SPC25: variants seen among roughly 807,000 people sequenced by gnomAD.
SPC25 encodes the protein SPC25 component of NDC80 kinetochore complex, also known as kinetochore protein Spc25.
SPC25 carries 22 observed loss-of-function variants against 29.6 expected under a neutral mutation model. The ratio of observed to expected loss-of-function variants is 0.74; its 90% confidence interval spans 0.53 to 1.06. The LOEUF (loss-of-function observed/expected upper bound fraction) is 1.06, where lower values mean the gene tolerates loss of function less well. Ranked by LOEUF, SPC25 falls within the 50% of genes least tolerant of loss-of-function variation. The pLI, the probability that SPC25 is intolerant of heterozygous loss-of-function variation, is 0.00. For synonymous variants in SPC25, 91 were observed against 90.4 expected, an observed-to-expected ratio of 1.01 and a Z score of -0.04; for missense variants, 230 against 255.8, an observed-to-expected ratio of 0.90 and a Z score of 0.69.
At position 168,877,368 on chromosome 2, in the gene SPC25, A is replaced by G; in HGVS notation, c.216T>C (p.Asn72=). The G allele has an allele frequency of 6.2e-7, 1 of 1,613,618 alleles. No individual in the cohort carries two copies. The highest frequency in any genetic ancestry group is 8.5e-7 in the Non-Finnish European group (1 of 1,179,810). ...TATCCTTTTTTTCTTGAATGAGCTT[A>G]TTTTGCCTGCTGATCTCTGTAAGAA... The part of the protein sequence containing the change: ...LEYQNQISRQ[N]KLIQEKKDNL... The change falls in exon 4 of 7, where the codon AAT becomes AAC. Residue 72 remains asparagine (N), a synonymous_variant. Coordinates refer to ENST00000282074, the MANE Select transcript of SPC25 (RefSeq NM_020675.4).
downstream of SPC25, among the ~76,000 whole-genome samples, chr2:168,870,711 G>A (rs538195799): frequency 9.2e-5 from 14 of 151,434 alleles, no homozygotes; most frequent in South Asian, 2.9e-3. Context: ...AAAACAACAG[G>A]TGCTGGAGAG....
intron 6 of SPC25, among the ~76,000 whole-genome samples, chr2:168,872,211 G>T (rs1025970920): frequency 1.2e-4 from 19 of 152,114 alleles, no homozygotes; most frequent in African/African-American, 4.6e-4. Context: ...CAAGTGATCC[G>T]CCTGCCTCTG....
chr2:168,865,161 C>T (rs1306119758), intron 4 of SPC25: 10 of 631,932 alleles, frequency 1.6e-5, no homozygotes, highest in Admixed American at 3.1e-5. Context: ...TGGGTGGAGA[C>T]AGACAAGGAA....
chr2:168,890,350 C>T lies in SPC25; in HGVS notation c.-47G>A. The T allele has an allele frequency of 1.0e-6, 1 of 985,608 alleles. No homozygotes were observed. Among genetic ancestry groups the T allele is most frequent in the Non-Finnish European group, 1.2e-6 (1 of 830,046 alleles). The allele number at this position is 985,608 out of a possible 1,614,324, so 61.1% of individuals were successfully genotyped here. A position where few individuals can be genotyped will look rare whatever the true frequency, so the allele number is the denominator to read the frequency against. On this transcript the variant is annotated 5_prime_UTR_variant, in exon 1 of 7. Transcript: ENST00000282074. ...GGCAGGCCTGAGTCCCGCCGCCTTCCCCACACCAGATCCGCGCCCACTCTA... is the reference window on the plus strand; with the variant it reads ...GGCAGGCCTGAGTCCCGCCGCCTTCTCCACACCAGATCCGCGCCCACTCTA...
At chr2:168,886,267 G>C (rs890237609) in intron 3 of SPC25, among the ~76,000 whole-genome samples, 1 of 151,858 alleles carries the variant, frequency 6.6e-6, no homozygotes, top group South Asian at 2.1e-4. Context: ...TATTGCCCAG[G>C]CTGGTCTTGA....
chr2:168,876,186 A>C lies in SPC25; in HGVS notation c.347-10T>G. The C allele has an allele frequency of 1.3e-6, 2 of 1,501,818 alleles. No individual in the cohort carries two copies. The highest frequency in any genetic ancestry group is 1.8e-6 in the Non-Finnish European group (2 of 1,120,818). The allele number at this position is 1,501,818 out of a possible 1,614,324, so 93.0% of individuals were successfully genotyped here. A position where few individuals can be genotyped will look rare whatever the true frequency, so the allele number is the denominator to read the frequency against. On this transcript the variant is annotated splice_polypyrimidine_tract_variant and intron_variant, in intron 4 of 6. Transcript: ENST00000282074. ...TTAGCAGTAGAAATAGCTGATTAAA[A>C]AACACACACAATATTAAATGTTTTA...
chr2:168,864,952 C>T (rs1407055408), intron 4 of SPC25: 13 of 1,614,050 alleles, frequency 8.1e-6, no homozygotes, highest in Non-Finnish European at 1.1e-5. Context: ...ATGCTGGCAA[C>T]ACAGCTACAA....
chr2:168,864,889 G>C, intron 4 of SPC25: 1 of 1,613,926 alleles, frequency 6.2e-7, no homozygotes. Context: ...TTGGATCTTT[G>C]AATGGGAAAA....
chr2:168,877,539 G>GA (rs942986999), intron 3 of SPC25, among the ~76,000 whole-genome samples, 155 bp from the exon 4 acceptor site: 2 of 150,974 alleles, frequency 1.3e-5, no homozygotes, highest in Non-Finnish European at 3.0e-5. Flanking sequence ...AGACAAAAAA[G>GA]AAAAAAAACC....
intron 3 of SPC25, among the ~76,000 whole-genome samples, 170 bp from the exon 4 acceptor site, chr2:168,877,554 C>G (rs950739904): frequency 1.3e-5 from 2 of 151,964 alleles, no homozygotes; most frequent in East Asian, 1.9e-4. Flanking sequence ...AAAACCTAAT[C>G]TATTCTTTCC....
chr2:168,870,004 C>T (rs547164491), downstream of SPC25, among the ~76,000 whole-genome samples: 19 of 151,854 alleles, frequency 1.3e-4, no homozygotes, highest in East Asian at 3.5e-3. Flanking sequence ...GGTACCAAAA[C>T]AGAGATATAG....
chr2:168,876,603 T>TTC (rs939275817), intron 4 of SPC25, among the ~76,000 whole-genome samples: 6 of 150,076 alleles, frequency 4.0e-5, no homozygotes, highest in Non-Finnish European at 8.9e-5. Flanking sequence ...GTTTTTTCTT[T>TTC]TTTTTTTTTT....
Position 168,861,810 on chromosome 2 carries a change from A to G in SPC25, n.419+11775T>C. 8 of 667,838 alleles carry G rather than the reference A, an allele frequency of 1.2e-5. No homozygotes were observed. In the South Asian group the frequency reaches 1.5e-4, roughly 12 times the overall value. 41.4% of individuals were successfully genotyped at this position (667,838 alleles called of 1,614,324 possible). On this transcript the variant is annotated intron_variant and non_coding_transcript_variant, in intron 4 of 4. Coordinates refer to the SPC25 transcript ENST00000479309. ...TCATAAGTGGTTATTGAATCAAGGA[A>G]TGAACATTATATAAAATTACAAACT...
intron 4 of SPC25, chr2:168,864,853 C>A: frequency 1.9e-6 from 3 of 1,613,606 alleles, no homozygotes; most frequent in Non-Finnish European, 2.5e-6. Flanking sequence ...TGATTATACA[C>A]GAGAAAAAAG....
intron 3 of SPC25, among the ~76,000 whole-genome samples, chr2:168,882,588 G>A (rs34370528): frequency 0.11 from 15,957 of 151,356 alleles, 880 homozygotes; most frequent in Non-Finnish European, 0.13. Flanking sequence ...GTGACAGGGC[G>A]AGACCCTGTC....
chr2:168,889,057 ACATATATATATACACATATATATACAT>A (rs1690341431), intron 3 of SPC25, among the ~76,000 whole-genome samples, 142 bp downstream of exon 3: 1 of 101,092 alleles, frequency 9.9e-6, no homozygotes, highest in South Asian at 4.3e-4. Context: ...ACATATATAT[ACATATATATATACACATATATATACAT>A]ATATATACAC....
At chr2:168,866,574 T>G (rs1096204), downstream of SPC25, among the ~76,000 whole-genome samples, 11 of 149,314 alleles carry the variant, frequency 7.4e-5, no homozygotes, top group African/African-American at 1.8e-4. Flanking sequence ...TGGGCAAGGA[T>G]TTCATGTCTA....
At chr2:168,868,959 A>G (rs1358249765), downstream of SPC25, among the ~76,000 whole-genome samples, 1 of 152,236 alleles carries the variant, frequency 6.6e-6, no homozygotes, top group East Asian at 1.9e-4. Flanking sequence ...AATCCTCAAT[A>G]AAATACTGGC....
intron 1 of SPC25, among the ~76,000 whole-genome samples, 168 bp downstream of exon 1, chr2:168,890,150 C>A (rs983093323): frequency 1.8e-4 from 27 of 152,222 alleles, no homozygotes; most frequent in African/African-American, 6.5e-4. Flanking sequence ...AAACCCAGAA[C>A]GCTTTGGGTT....
Sources: gnomAD v4.1 joint callset for allele counts (sites outside exome capture counted in the v4.1 genomes callset) on GRCh38, gnomAD v4.1.1 for gene constraint, MANE v1.5 for transcripts, NCBI Gene and HGNC (gene_info 2026-07-23, HGNC 2026-07-21) for gene names.